Variants in RBBP5 observed in about 807,000 individuals in gnomAD.
RBBP5 encodes the protein retinoblastoma-binding protein 5.
Under a neutral mutation model 72.2 loss-of-function variants are expected in RBBP5, and 5 were observed. The ratio of observed to expected loss-of-function variants is 0.07; its 90% CI spans 0.04 to 0.15. The LOEUF is 0.15. RBBP5 is among the 10% of genes least tolerant of loss of function. RBBP5 has a pLI of 1.00. For missense variants in RBBP5, 322 were observed against 652.2 expected (o/e 0.49, Z 5.51); for synonymous variants, 209 against 237.2 (o/e 0.88, Z 1.09).
At chr1:205,108,071 G>A (rs771799435) in intron 3 of RBBP5, among the ~76,000 whole-genome samples, 8 of 151,334 alleles carry the variant, frequency 5.3e-5, no homozygotes, top group African/African-American at 1.5e-4. Context: ...GGTGAAACCC[G>A]GTCTCTACTA....
rs1655726274 is a variant in RBBP5, at chr1:205,099,173, T to C, written c.979-67A>G. ...TAATCTGTAATCTACACATTAATGA[T>C]AAAATGAAAGATGTGAGCATGAAAG... is the stretch of plus-strand genomic sequence containing the variant. On this transcript the variant is annotated intron_variant, in intron 9 of 13. Coordinates refer to ENST00000264515, the MANE Select transcript of RBBP5 (RefSeq NM_005057.4). This position sits in a 1 kb window ranked among gnomAD's most constrained non-coding sequence, Gnocchi z 4.7. 26 of 954,676 alleles carry C rather than the reference T, an allele frequency of 2.7e-5. No individual in the cohort carries two copies. Among genetic ancestry groups the C allele is most frequent in the Non-Finnish European group, 3.8e-5 (25 of 663,900 alleles). 59.1% of individuals were successfully genotyped at this position (954,676 alleles called of 1,614,324 possible).
At chr1:205,121,409 T>C (rs147594109) in intron 1 of RBBP5, among the ~76,000 whole-genome samples, 1 of 152,224 alleles carries the variant, frequency 6.6e-6, no homozygotes, top group African/African-American at 2.4e-5. Flanking sequence ...ATCTGTTCAA[T>C]GAGAAGCTTC....
chr1:205,115,738 T>C, intron 2 of RBBP5, 120 bp downstream of exon 2: 3 of 1,277,046 alleles, frequency 2.3e-6, no homozygotes, highest in East Asian at 2.6e-5. Context: ...TAGCATAAGA[T>C]ATATTATCAC....
At chr1:205,094,138 A>G (rs755919878) in intron 13 of RBBP5, among the ~76,000 whole-genome samples, 1 of 152,220 alleles carries the variant, frequency 6.6e-6, no homozygotes, top group African/African-American at 2.4e-5. Flanking sequence ...CTGTCCCCCA[A>G]TAAAAATCCC....
intron 3 of RBBP5, among the ~76,000 whole-genome samples, chr1:205,108,734 G>A (rs1656181755): frequency 6.6e-6 from 1 of 152,148 alleles, no homozygotes; most frequent in Non-Finnish European, 1.5e-5. Flanking sequence ...TGGCTCAAAA[G>A]TCAGACTTCT....
rs974415189 is a variant in RBBP5, at chr1:205,087,766, A to C, written c.*1021T>G. 7 of 152,714 alleles carry C rather than the reference A, an allele frequency of 4.6e-5. No individual in the cohort carries two copies. The Middle Eastern group carries it at 0.017, about 371-fold the overall frequency. The allele number at this position is 152,714 out of a possible 1,614,324, so 9.5% of individuals were successfully genotyped here. A position where few individuals can be genotyped will look rare whatever the true frequency, so the allele number is the denominator to read the frequency against. On this transcript the variant is annotated 3_prime_UTR_variant, in exon 14 of 14. Coordinates refer to ENST00000264515, the MANE Select transcript of RBBP5 (RefSeq NM_005057.4). ...AAAAAGCTAAGCAACCTTTCACAGA[A>C]AGGAAGTGACTGAAAACACAGTAAG...
chr1:205,109,194 G>A (rs189192702), intron 3 of RBBP5, among the ~76,000 whole-genome samples: 60 of 152,178 alleles, frequency 3.9e-4, no homozygotes, highest in African/African-American at 1.3e-3. Flanking sequence ...GCCTAAAGGT[G>A]TTAAAATGCA....
chr1:205,116,215 T>C, intron 1 of RBBP5: 1 of 425,818 alleles, frequency 2.3e-6, no homozygotes, highest in Non-Finnish European at 4.4e-6. Context: ...AGTGGCATTT[T>C]CCTCACTAAA....
intron 13 of RBBP5, chr1:205,091,603 T>C (rs927355248): frequency 6.6e-6 from 1 of 152,232 alleles, no homozygotes; most frequent in African/African-American, 2.4e-5. Context: ...TACTCTCCTG[T>C]TGCAACAGAC....
chr1:205,113,744 G>T (rs1400872147), intron 3 of RBBP5, among the ~76,000 whole-genome samples: 1 of 150,562 alleles, frequency 6.6e-6, no homozygotes, highest in Non-Finnish European at 1.5e-5. Context: ...GAGTGCAGTG[G>T]CACAATCTCA....
At position 205,088,706 on chromosome 1, in the gene RBBP5, G is replaced by A; in HGVS notation, c.*81C>T. 6.9e-7 allele frequency: 1 copy of A among 1,441,736 alleles called. No homozygotes were observed. Among genetic ancestry groups the A allele is most frequent in the Non-Finnish European group, 9.5e-7 (1 of 1,047,528 alleles). The allele number at this position is 1,441,736 out of a possible 1,614,324, so 89.3% of individuals were successfully genotyped here. A position where few individuals can be genotyped will look rare whatever the true frequency, so the allele number is the denominator to read the frequency against. On this transcript the variant is annotated 3_prime_UTR_variant, in exon 14 of 14. Coordinates refer to ENST00000264515, the MANE Select transcript of RBBP5 (RefSeq NM_005057.4). ...GCACAGGCCTTTGTTTTAAATTAAA[G>A]TCAATTTTCAAATGACTGACCACAG...
At chr1:205,107,510 G>C (rs1324810698) in intron 3 of RBBP5, among the ~76,000 whole-genome samples, 1 of 152,144 alleles carries the variant, frequency 6.6e-6, no homozygotes, top group African/African-American at 2.4e-5. Flanking sequence ...AGGAATAAAC[G>C]GGTAAACTGA....
intron 5 of RBBP5, among the ~76,000 whole-genome samples, chr1:205,103,355 A>T (rs1377860611): frequency 6.6e-6 from 1 of 152,206 alleles, no homozygotes; most frequent in East Asian, 1.9e-4. Context: ...CTAAGCATGA[A>T]AAGAATCTTT....
chr1:205,109,055 G>A (rs923930750), intron 3 of RBBP5, among the ~76,000 whole-genome samples: 1 of 152,154 alleles, frequency 6.6e-6, no homozygotes, highest in South Asian at 2.1e-4. Flanking sequence ...GTAAGCTAAG[G>A]TTATAAATAT....
chr1:205,096,971 T>C, intron 11 of RBBP5, 60 bp from the exon 12 acceptor site: 1 of 1,444,250 alleles, frequency 6.9e-7, no homozygotes, highest in South Asian at 1.4e-5. Context: ...GCTTAAACCA[T>C]GAGCCCTTCC....
chr1:205,115,051 T>G, intron 2 of RBBP5, 90 bp from the exon 3 acceptor site: 1 of 1,178,996 alleles, frequency 8.5e-7, no homozygotes, highest in Non-Finnish European at 1.2e-6. Context: ...TGTGATACTT[T>G]TATTGAATAT....
chr1:205,095,011 C>T lies in RBBP5; in HGVS notation c.1450G>A (p.Ala484Thr). 1 of 1,614,072 alleles carries T rather than the reference C, an allele frequency of 6.2e-7. No individual in the cohort carries two copies. The highest frequency in any genetic ancestry group is 8.5e-7 in the Non-Finnish European group (1 of 1,180,016). Residue 484 changes from alanine to threonine, a missense_variant, in exon 13 of 14, where the codon GCA becomes ACA. This residue lies in a region of RBBP5 where 109 missense variants were observed against 146.3 expected (regional missense o/e 0.75). Coordinates refer to ENST00000264515, the MANE Select transcript of RBBP5 (RefSeq NM_005057.4). ...CCTTTTGATCCTTTAGGCCGGCCTG[C>T]TTGCTTCTTCTTGGATTTGCCATCC... ...KGDGKSKKKQ[A>T]GRPKGSKGKE...
Position 205,095,067 on chromosome 1 carries a change from G to A in RBBP5, c.1397-3C>T, listed in dbSNP as rs1384723095. 2.5e-6 allele frequency: 4 copies of A among 1,613,846 alleles called. No homozygotes were observed. Among genetic ancestry groups the A allele is most frequent in the East Asian group, 2.2e-5 (1 of 44,890 alleles). ...CACACCCAGTAGTGGATGGACTTCT[G>A]TAGGACAGACAGGCATGGAAAGGAA... is the stretch of plus-strand genomic sequence containing the variant. On this transcript the variant is annotated splice_polypyrimidine_tract_variant and splice_region_variant and intron_variant, in intron 12 of 13. Transcript: ENST00000264515.
intron 3 of RBBP5, among the ~76,000 whole-genome samples, chr1:205,112,585 C>A (rs763494107): frequency 6.6e-6 from 1 of 151,964 alleles, no homozygotes; most frequent in Non-Finnish European, 1.5e-5. Flanking sequence ...ATGGTCAACA[C>A]CTGCTGAATA....
Sources: gnomAD v4.1 joint callset for allele counts (sites outside exome capture counted in the v4.1 genomes callset) on GRCh38, gnomAD v4.1.1 for gene constraint, gnomAD v4.1.1 regional missense constraint, Gnocchi (gnomAD v3.1) non-coding constraint, MANE v1.5 for transcripts, NCBI Gene and HGNC (gene_info 2026-07-23, HGNC 2026-07-21) for gene names.